The following TJP1 variants were observed in gnomAD, a reference collection of about 807,000 sequenced individuals.
TJP1 encodes the protein tight junction protein ZO-1.
TJP1 carries 43 observed loss-of-function variants against 194.2 expected under a neutral mutation model. The observed-to-expected ratio is 0.22, with a 90% CI of 0.17 to 0.29. The LOEUF is 0.29. Among genes scored for constraint, TJP1 ranks in the 10% least tolerant of loss-of-function variants. TJP1 has a pLI of 1.00. For synonymous variants in TJP1, 801 were observed against 779.0 expected, an observed-to-expected ratio of 1.03 and a Z score of -0.47; for missense variants, 1,971 against 2,185.7, an observed-to-expected ratio of 0.90 and a Z score of 1.96.
rs60869373 is a variant in TJP1 at position 29,922,459 on chromosome 15, T to TA, written c.306+33772dup. Among the ~76,000 whole-genome samples the TA allele has an allele frequency of 2.9e-3, 438 of 152,352 alleles. 5 individuals carry two copies. Among genetic ancestry groups the TA allele is most frequent in the African/African-American group, 0.01 (430 of 41,570 alleles). On this transcript the variant is annotated intron_variant, in intron 2 of 28. Coordinates refer to the TJP1 transcript ENST00000356107. The stretch of plus-strand genomic sequence containing the variant: ...TTTCATTTGTAAATTAACTAACTCT[T>TA]AGACTGCAAATAAACATTTTTGTAA...
chr15:29,749,479 C>A (rs1238504467), intron 8 of TJP1, among the ~76,000 whole-genome samples: 1 of 152,156 alleles, frequency 6.6e-6, no homozygotes, highest in East Asian at 1.9e-4. Flanking sequence ...AGAGGGCATG[C>A]AGCATGGTCA....
At chr15:29,755,707 T>C (rs112056313) in intron 8 of TJP1, among the ~76,000 whole-genome samples, 43 of 152,364 alleles carry the variant, frequency 2.8e-4, no homozygotes, top group Middle Eastern at 6.8e-3. Context: ...ACTGTTTTTC[T>C]ATTTGTGAAA....
chr15:29,968,350 C>T, intron 1 of TJP1: 5 of 985,410 alleles, frequency 5.1e-6, no homozygotes, highest in Non-Finnish European at 6.0e-6. Flanking sequence ...GCAGAAAGGA[C>T]AGACAGAGGC....
chr15:29,968,427 G>A (rs1255196941), intron 1 of TJP1: 1 of 983,766 alleles, frequency 1.0e-6, no homozygotes, highest in East Asian at 1.1e-4. Flanking sequence ...ACGCGCCGCG[G>A]GCACAGCGAG....
intron 2 of TJP1, among the ~76,000 whole-genome samples, chr15:29,927,209 A>G (rs971458840): frequency 1.3e-5 from 2 of 152,196 alleles, no homozygotes; most frequent in East Asian, 3.9e-4. Flanking sequence ...AATCCCAGCT[A>G]TTCAGGAGGC....
chr15:29,893,326 C>T (rs2053373178), intron 2 of TJP1, among the ~76,000 whole-genome samples: 1 of 152,188 alleles, frequency 6.6e-6, no homozygotes, highest in Non-Finnish European at 1.5e-5. Context: ...ACCATGAACA[C>T]TGTTGAAATG....
intron 18 of TJP1, among the ~76,000 whole-genome samples, chr15:29,724,246 G>C (rs542422410): frequency 2.6e-5 from 4 of 152,306 alleles, no homozygotes; most frequent in African/African-American, 7.2e-5. Flanking sequence ...GTTTTCAAGA[G>C]AGCATCTGCC....
At position 29,805,986 on chromosome 15, in the gene TJP1, G is replaced by A. The variant is rs59686836; in HGVS notation, c.28-5284C>T. ...ATGGAACAAGGAGAGAGTAAAAGGA[G>A]AGAAGGTGCAAGGGTACCAGATCAC... is the stretch of plus-strand genomic sequence containing the variant. On this transcript the variant is annotated intron_variant, in intron 1 of 27. Transcript: ENST00000614355. Among the ~76,000 whole-genome samples the A allele has an allele frequency of 3.9e-4, 59 of 152,298 alleles. 1 individual carries two copies. In the East Asian group the frequency reaches 0.011, roughly 29 times the overall value.
intron 2 of TJP1, among the ~76,000 whole-genome samples, chr15:29,837,197 T>C (rs892324524): frequency 6.6e-6 from 1 of 152,226 alleles, no homozygotes; most frequent in African/African-American, 2.4e-5. Context: ...TAGTAATTAA[T>C]AGTAGAACAA....
chr15:29,841,720 C>T (rs1439864487), intron 2 of TJP1, among the ~76,000 whole-genome samples: 2 of 152,014 alleles, frequency 1.3e-5, no homozygotes, highest in Non-Finnish European at 2.9e-5. Context: ...CCTCCTCCTC[C>T]CTCCCTCCCC....
intron 2 of TJP1, among the ~76,000 whole-genome samples, chr15:29,840,046 C>T (rs969506864): frequency 1.3e-5 from 2 of 152,204 alleles, no homozygotes; most frequent in Admixed American, 6.5e-5. Flanking sequence ...ACCTGCATGT[C>T]CCCTTGATGA....
At chr15:29,716,574 T>G in intron 23 of TJP1, 37 bp downstream of exon 23, 3 of 1,460,692 alleles carry the variant, frequency 2.1e-6, no homozygotes, top group Non-Finnish European at 2.9e-6. Context: ...ATTAATATGC[T>G]GCATCCTATT....
intron 2 of TJP1, among the ~76,000 whole-genome samples, chr15:29,887,690 T>C (rs184218216): frequency 6.6e-6 from 1 of 152,340 alleles, no homozygotes; most frequent in Admixed American, 6.5e-5. Flanking sequence ...CAGAGTAACA[T>C]ATTTTATCAT....
At chr15:29,870,278 C>G (rs928569988) in intron 2 of TJP1, among the ~76,000 whole-genome samples, 2 of 151,938 alleles carry the variant, frequency 1.3e-5, no homozygotes, top group African/African-American at 4.8e-5. Flanking sequence ...AGGTTAAAGA[C>G]AGGATGGAAT....
chr15:29,878,304 C>T (rs2052787800), intron 2 of TJP1, among the ~76,000 whole-genome samples: 1 of 152,174 alleles, frequency 6.6e-6, no homozygotes, highest in Admixed American at 6.5e-5. Context: ...CCCGCCTCGG[C>T]CTCCCAAAGG....
At chr15:29,789,667 G>T (rs965334057) in intron 2 of TJP1, among the ~76,000 whole-genome samples, 9 of 152,064 alleles carry the variant, frequency 5.9e-5, no homozygotes, top group African/African-American at 2.2e-4. Context: ...CAATTAAATG[G>T]CTTTTTTATA....
intron 2 of TJP1, among the ~76,000 whole-genome samples, chr15:29,849,145 C>T (rs1401363513): frequency 2.0e-5 from 3 of 151,988 alleles, no homozygotes; most frequent in African/African-American, 7.2e-5. Flanking sequence ...TGTTGAATAA[C>T]TAGTAGGCTT....
chr15:29,910,334 T>A (rs1385963258), intron 2 of TJP1, among the ~76,000 whole-genome samples: 1 of 152,176 alleles, frequency 6.6e-6, no homozygotes, highest in Non-Finnish European at 1.5e-5. Flanking sequence ...AGAGTGATTT[T>A]ATTAGGTTCA....
intron 24 of TJP1, among the ~76,000 whole-genome samples, chr15:29,710,277 C>G (rs976528665): frequency 1.3e-5 from 2 of 152,104 alleles, no homozygotes; most frequent in Non-Finnish European, 2.9e-5. Flanking sequence ...AACTATAACA[C>G]ATCTGCTTGA....
Sources: gnomAD v4.1 joint callset for allele counts (sites outside exome capture counted in the v4.1 genomes callset) on GRCh38, gnomAD v4.1.1 for gene constraint, MANE v1.5 for transcripts, NCBI Gene and HGNC (gene_info 2026-07-23, HGNC 2026-07-21) for gene names.